The following CNIH3 variants were observed in gnomAD, a reference collection of about 807,000 sequenced individuals.
CNIH3 encodes the protein protein cornichon homolog 3.
Under a neutral mutation model 24.1 loss-of-function variants are expected in CNIH3, and 14 were observed. The ratio of observed to expected loss-of-function variants is 0.58; its 90% CI spans 0.38 to 0.91. The LOEUF (loss-of-function observed/expected upper bound fraction) is 0.91, where lower values mean the gene tolerates loss of function less well. CNIH3 is among the 40% of genes least tolerant of loss of function. The pLI, the probability that CNIH3 is intolerant of heterozygous loss-of-function variation, is 0.00. For missense variants in CNIH3, 178 were observed against 196.8 expected (o/e 0.90, Z 0.57); for synonymous variants, 68 against 73.8 (o/e 0.92, Z 0.40).
chr1:224,734,125 T>G (rs570229474), intron 4 of CNIH3, among the ~76,000 whole-genome samples: 1 of 152,280 alleles, frequency 6.6e-6, no homozygotes, highest in South Asian at 2.1e-4. Flanking sequence ...TGCGCTCAAG[T>G]GAGAATAGGA....
chr1:224,443,096 T>C (rs981887474), intron 1 of CNIH3, among the ~76,000 whole-genome samples: 1 of 152,212 alleles, frequency 6.6e-6, no homozygotes, highest in Non-Finnish European at 1.5e-5. Flanking sequence ...GAAATCCTTG[T>C]TGAAACAGAC....
intron 1 of CNIH3, among the ~76,000 whole-genome samples, chr1:224,622,537 T>C (rs2125067301): frequency 6.6e-6 from 1 of 152,330 alleles, no homozygotes; most frequent in African/African-American, 2.4e-5. Context: ...ACTGCAGTCA[T>C]GTTAGAGAGG....
intron 1 of CNIH3, among the ~76,000 whole-genome samples, chr1:224,620,346 A>G (rs1683220398): frequency 6.6e-6 from 1 of 152,242 alleles, no homozygotes; most frequent in African/African-American, 2.4e-5. Flanking sequence ...TGGAGCTGGT[A>G]TGCATGGACT....
intron 5 of CNIH3, among the ~76,000 whole-genome samples, chr1:224,734,998 T>C (rs909678378): frequency 1.1e-4 from 16 of 152,148 alleles, no homozygotes; most frequent in Non-Finnish European, 1.8e-4. Flanking sequence ...TGAAGTGCAG[T>C]TGGCTACTCC....
At chr1:224,682,309 T>C (rs1382266702) in intron 2 of CNIH3, among the ~76,000 whole-genome samples, 1 of 152,226 alleles carries the variant, frequency 6.6e-6, no homozygotes, top group Non-Finnish European at 1.5e-5. Context: ...GACTCGTTTG[T>C]ACAGGGATTT....
At chr1:224,702,668 C>T (rs569148610) in intron 3 of CNIH3, among the ~76,000 whole-genome samples, 1 of 152,282 alleles carries the variant, frequency 6.6e-6, no homozygotes, top group South Asian at 2.1e-4. Context: ...CGTTTAAAAC[C>T]CAAGGATCCA....
At chr1:224,472,269 T>C (rs1027604628) in intron 1 of CNIH3, among the ~76,000 whole-genome samples, 1 of 152,196 alleles carries the variant, frequency 6.6e-6, no homozygotes, top group African/African-American at 2.4e-5. Flanking sequence ...CCATTTAAAA[T>C]GAAGTGATAT....
chr1:224,519,591 T>C (rs1479354844), intron 1 of CNIH3, among the ~76,000 whole-genome samples: 1 of 150,050 alleles, frequency 6.7e-6, no homozygotes, highest in Non-Finnish European at 1.5e-5. Context: ...ATACATGTTA[T>C]ATATGTAATA....
At position 224,684,724 on chromosome 1, in the gene CNIH3, C is replaced by A; in HGVS notation, c.151-72C>A. ...CTGCCTCCACTATTGGGGCTGATTG[C>A]GGGGCCTTCTCATGCTATTTTAGCA... On this transcript the variant is annotated intron_variant, in intron 2 of 5. Coordinates refer to ENST00000272133, the MANE Select transcript of CNIH3 (RefSeq NM_152495.2). The surrounding 1 kb of genome is among the most constrained non-coding windows in gnomAD (Gnocchi z 4.2). 7.3e-7 allele frequency: 1 copy of A among 1,375,116 alleles called. No homozygotes were observed. The highest frequency in any genetic ancestry group is 1.0e-6 in the Non-Finnish European group (1 of 963,154). 85.2% of individuals were successfully genotyped at this position (1,375,116 alleles called of 1,614,324 possible).
intron 4 of CNIH3, among the ~76,000 whole-genome samples, chr1:224,571,608 C>G (rs141806021): frequency 6.9e-4 from 105 of 152,206 alleles, no homozygotes; most frequent in African/African-American, 2.5e-3. Flanking sequence ...GCCTGTAATC[C>G]CAGCTACTCG....
chr1:224,558,900 T>G (rs1298668879), intron 3 of CNIH3, among the ~76,000 whole-genome samples: 2 of 152,218 alleles, frequency 1.3e-5, no homozygotes, highest in East Asian at 1.9e-4. Flanking sequence ...GTTAATTATA[T>G]TGCTGTGAAC....
intron 3 of CNIH3, among the ~76,000 whole-genome samples, chr1:224,602,060 C>T (rs1682232429): frequency 6.6e-6 from 1 of 152,152 alleles, no homozygotes; most frequent in African/African-American, 2.4e-5. Flanking sequence ...GATATTATTC[C>T]TTCCACCTTC....
upstream of CNIH3, among the ~76,000 whole-genome samples, chr1:224,510,864 C>A (rs943677977): frequency 6.6e-6 from 1 of 152,166 alleles, no homozygotes. Context: ...AGGTTGTCCC[C>A]TTCCTCCCTG....
At chr1:224,612,516 T>C (rs780337187), upstream of CNIH3, among the ~76,000 whole-genome samples, 1 of 152,132 alleles carries the variant, frequency 6.6e-6, no homozygotes, top group African/African-American at 2.4e-5. This position sits in a 1 kb window ranked among gnomAD's most constrained non-coding sequence, Gnocchi z 4.7. Flanking sequence ...GACAGCTCCA[T>C]GTGAGTAAGG....
chr1:224,616,625 A>G lies in CNIH3; in HGVS notation c.-550A>G. On this transcript the variant is annotated 5_prime_UTR_variant, in exon 1 of 6. Coordinates refer to ENST00000272133, the MANE Select transcript of CNIH3 (RefSeq NM_152495.2). ...ACCTAAAGACTCCTTCTCTCGGGAA[A>G]GAGCGCTGCCCGGCTCTGGGATTTG... 2.0e-6 allele frequency: 2 copies of G among 987,316 alleles called. No individual in the cohort carries two copies. The highest frequency in any genetic ancestry group is 2.4e-6 in the Non-Finnish European group (2 of 831,318). The allele number at this position is 987,316 out of a possible 1,614,324, so 61.2% of individuals were successfully genotyped here. A position where few individuals can be genotyped will look rare whatever the true frequency, so the allele number is the denominator to read the frequency against.
At chr1:224,533,553 G>A (rs539818360) in intron 2 of CNIH3, among the ~76,000 whole-genome samples, 78 of 152,218 alleles carry the variant, frequency 5.1e-4, no homozygotes, top group African/African-American at 1.9e-3. Context: ...GTCTGTCATC[G>A]AGGTGTTAGC....
chr1:224,480,052 T>A (rs1209455583), intron 1 of CNIH3, among the ~76,000 whole-genome samples: 1 of 152,220 alleles, frequency 6.6e-6, no homozygotes, highest in African/African-American at 2.4e-5. Context: ...CAAACTTCTG[T>A]CTGGGTATCC....
chr1:224,735,579 C>T (rs139164339), intron 5 of CNIH3, among the ~76,000 whole-genome samples: 291 of 152,298 alleles, frequency 1.9e-3, no homozygotes, highest in African/African-American at 6.8e-3. Context: ...TTGGACTGCA[C>T]GCCACCCCTA....
At chr1:224,686,067 T>A (rs1686641466) in intron 3 of CNIH3, among the ~76,000 whole-genome samples, 2 of 152,020 alleles carry the variant, frequency 1.3e-5, no homozygotes. Context: ...GCAGGTTTGT[T>A]ACATATGTAT....
Sources: gnomAD v4.1 joint callset for allele counts (sites outside exome capture counted in the v4.1 genomes callset) on GRCh38, gnomAD v4.1.1 for gene constraint, Gnocchi (gnomAD v3.1) non-coding constraint, MANE v1.5 for transcripts, NCBI Gene and HGNC (gene_info 2026-07-23, HGNC 2026-07-21) for gene names.